PEG3: variants seen among roughly 807,000 people sequenced by gnomAD.
The protein encoded by PEG3 is paternally-expressed gene 3 protein.
In PEG3, 23 loss-of-function variants were observed where a neutral mutation model predicts 35.5. The ratio of observed to expected loss-of-function variants is 0.65; its 90% confidence interval spans 0.47 to 0.92. PEG3 has a LOEUF of 0.92. PEG3 is among the 40% of genes least tolerant of loss of function. The pLI is 0.00. For synonymous variants in PEG3, 707 were observed against 697.0 expected (o/e 1.01, Z -0.23); for missense variants, 1,960 against 1,985.3 (o/e 0.99, Z 0.24).
chr19:56,814,677 C>G lies in PEG3; in HGVS notation c.3765G>C (p.Gln1255His), dbSNP rs1363102837. 6.2e-7 allele frequency: 1 copy of G among 1,614,104 alleles called. No homozygotes were observed. Among genetic ancestry groups the G allele is most frequent in the Non-Finnish European group, 8.5e-7 (1 of 1,179,994 alleles). The change falls in exon 10 of 10, where the codon CAG becomes CAC. Residue 1255 changes from glutamine to histidine, a missense_variant. By Grantham distance (24) the Gln-to-His change is conservative. This residue lies in a region of PEG3 where 416 missense variants were observed against 416.7 expected (regional missense o/e 1.00). Transcript: ENST00000326441. The surrounding 1 kb of genome is among the most constrained non-coding windows in gnomAD (Gnocchi z 5.8). ...RLHREDDLLE[Q>H]SQMAEEAIIP... ...TGATAGCTTCCTCAGCCATCTGGCT[C>G]TGCTCCAGTAAATCATCTTCCCTAT... is the stretch of plus-strand genomic sequence containing the variant.
Position 56,812,916 on chromosome 19 carries a change from A to G in PEG3, c.*759T>C. 1 of 985,836 alleles carries G rather than the reference A, an allele frequency of 1.0e-6. No individual in the cohort carries two copies. Among genetic ancestry groups the G allele is most frequent in the Admixed American group, 6.1e-5 (1 of 16,290 alleles). The allele number at this position is 985,836 out of a possible 1,614,324, so 61.1% of individuals were successfully genotyped here. A position where few individuals can be genotyped will look rare whatever the true frequency, so the allele number is the denominator to read the frequency against. On this transcript the variant is annotated 3_prime_UTR_variant, in exon 10 of 10. Coordinates refer to ENST00000326441, the MANE Select transcript of PEG3 (RefSeq NM_006210.3). Reference sequence around the variant, plus strand: ...TGGCAACCAATCAATCTGGGTCACAAAAAGCCAATCCGTATATTGTAAAGC... The same window carrying G: ...TGGCAACCAATCAATCTGGGTCACAGAAAGCCAATCCGTATATTGTAAAGC...
In PEG3 at chr19:56,814,025, C is replaced by CA. The variant is rs1180090184; in HGVS notation, c.4416dup (p.Glu1473Ter). 1 of 1,613,232 alleles carries CA rather than the reference C, an allele frequency of 6.2e-7. No homozygotes were observed. The highest frequency in any genetic ancestry group is 8.5e-7 in the Non-Finnish European group (1 of 1,179,348). On this transcript the variant is annotated frameshift_variant, in exon 10 of 10. Transcript: ENST00000326441. LOFTEE classifies it low-confidence loss of function (END_TRUNC). The surrounding 1 kb of genome is among the most constrained non-coding windows in gnomAD (Gnocchi z 5.8). ...TCGTCGGCATCTCCCTCTGGCTCTT[C>CA]AGCTTTTCCCTCTGGCTCTTCAGCT...
At chr19:56,821,351 C>G (rs1306751497) in intron 7 of PEG3, among the ~76,000 whole-genome samples, 1 of 152,200 alleles carries the variant, frequency 6.6e-6, no homozygotes, top group Non-Finnish European at 1.5e-5. Flanking sequence ...CCAGAAACAT[C>G]TCCAGAGTCA....
chr19:56,834,265 T>C (rs2061857678), intron 2 of PEG3, among the ~76,000 whole-genome samples: 1 of 152,048 alleles, frequency 6.6e-6, no homozygotes, highest in Non-Finnish European at 1.5e-5. Context: ...TGAATGGAGT[T>C]TGGGGAGGAC....
Position 56,813,489 on chromosome 19 carries a change from A to G in PEG3, c.*186T>C. ...TGCAGACACTGACATCTGAAGGGGA[A>G]AGCTTAAGACTGTGGAATCTGCACA... On this transcript the variant is annotated 3_prime_UTR_variant, in exon 10 of 10. Coordinates refer to ENST00000326441, the MANE Select transcript of PEG3 (RefSeq NM_006210.3). The G allele has an allele frequency of 7.1e-7, 1 of 1,401,770 alleles. No individual in the cohort carries two copies. The highest frequency in any genetic ancestry group is 2.6e-5 in the East Asian group (1 of 39,012). 86.8% of individuals were successfully genotyped at this position (1,401,770 alleles called of 1,614,324 possible).
At chr19:56,825,720 T>C (rs1023296368) in intron 3 of PEG3, among the ~76,000 whole-genome samples, 8 of 152,178 alleles carry the variant, frequency 5.3e-5, no homozygotes, top group African/African-American at 1.9e-4. Context: ...GAGCATAAAC[T>C]ACCTACTGGC....
At position 56,815,513 on chromosome 19, in the gene PEG3, A is replaced by G. The variant is rs2059900366; in HGVS notation, c.2929T>C (p.Cys977Arg). The change falls in exon 10 of 10, where the codon TGC (cysteine) becomes CGC (arginine). Residue 977 changes from cysteine (C) to arginine (R), a missense_variant. Physicochemically the swap from Cys to Arg is radical, Grantham distance 180. This residue lies in a region of PEG3 where 798 missense variants were observed against 782.4 expected (regional missense o/e 1.02). Coordinates refer to ENST00000326441, the MANE Select transcript of PEG3 (RefSeq NM_006210.3). The stretch of plus-strand genomic sequence containing the variant: ...GTGAGGTCAGAGCTATGAGCAAAGC[A>G]CTCCCCACACTCCTGACATTCATAG... The part of the protein sequence containing the change: ...MLYECQECGE[C>R]FAHSSDLTEH... The G allele has an allele frequency of 6.2e-7, 1 of 1,613,772 alleles. No individual in the cohort carries two copies. Among genetic ancestry groups the G allele is most frequent in the Non-Finnish European group, 8.5e-7 (1 of 1,179,960 alleles).
At position 56,815,935 on chromosome 19, in the gene PEG3, T is replaced by C; in HGVS notation, c.2507A>G (p.His836Arg). The C allele has an allele frequency of 3.1e-6, 5 of 1,605,294 alleles. No homozygotes were observed. Among genetic ancestry groups the C allele is most frequent in the Non-Finnish European group, 4.3e-6 (5 of 1,175,910 alleles). ...TGGAGGTTTGGAAGCCACTAAGCTA[T>C]GGATAACAGACCTACTGTATTCCCT... ...EGREYSRSVIHSLVASKPPRS... is the reference protein window; with the variant it reads ...EGREYSRSVIRSLVASKPPRS... Residue 836 changes from histidine to arginine, a missense_variant, in exon 10 of 10, where the codon CAT becomes CGT. This residue lies in a region of PEG3 where 798 missense variants were observed against 782.4 expected (regional missense o/e 1.02). Transcript: ENST00000326441.
At chr19:56,828,690 A>C (rs76664965) in intron 2 of PEG3, among the ~76,000 whole-genome samples, 8,687 of 152,326 alleles carry the variant, frequency 0.057, 354 homozygotes, top group Non-Finnish European at 0.082. Context: ...TAATGTTTGA[A>C]ATGTAAAAGG....
chr19:56,823,475 G>T, intron 5 of PEG3, 118 bp downstream of exon 5: 1 of 1,193,980 alleles, frequency 8.4e-7, no homozygotes, highest in Non-Finnish European at 1.2e-6. Context: ...TCTGAGTGAA[G>T]CTGACCACTC....
At chr19:56,832,727 G>T (rs1466938243) in intron 2 of PEG3, among the ~76,000 whole-genome samples, 3 of 152,190 alleles carry the variant, frequency 2.0e-5, no homozygotes, top group African/African-American at 7.2e-5. Context: ...TACACAGCCA[G>T]GCAGGAAGGG....
At chr19:56,821,905 A>C in intron 6 of PEG3, 151 bp from the exon 7 acceptor site, 1 of 815,212 alleles carries the variant, frequency 1.2e-6, no homozygotes, top group Non-Finnish European at 1.9e-6. Context: ...GCCTCTGAGG[A>C]GTCCCATAAA....
rs982671332 is a variant in PEG3, at chr19:56,812,139, A to C, written c.*1536T>G. 2.1e-6 allele frequency: 2 copies of C among 966,558 alleles called. No homozygotes were observed. Among genetic ancestry groups the C allele is most frequent in the African/African-American group, 3.5e-5 (2 of 56,928 alleles). 59.9% of individuals were successfully genotyped at this position (966,558 alleles called of 1,614,324 possible). A position where few individuals can be genotyped will look rare whatever the true frequency, so the allele number is the denominator to read the frequency against. ...TTTTTTTTTAAATTTTTTAAATTTT[A>C]TATTTTTTTTCCAGCCAACTCAAGG... On this transcript the variant is annotated 3_prime_UTR_variant, in exon 10 of 10. Coordinates refer to ENST00000326441, the MANE Select transcript of PEG3 (RefSeq NM_006210.3).
intron 6 of PEG3, 118 bp from the exon 7 acceptor site, chr19:56,821,872 T>G: frequency 9.4e-7 from 1 of 1,069,494 alleles, no homozygotes; most frequent in Non-Finnish European, 1.4e-6. Context: ...CAAGTGCCTT[T>G]CTCTTCTCTG....
rs2048008351 is a variant in PEG3 at position 56,810,090 on chromosome 19, T to A, written c.*3585A>T. 1 of 855,084 alleles carries A rather than the reference T, an allele frequency of 1.2e-6. No homozygotes were observed. Among genetic ancestry groups the A allele is most frequent in the Non-Finnish European group, 1.4e-6 (1 of 711,286 alleles). The allele number at this position is 855,084 out of a possible 1,614,324, so 53.0% of individuals were successfully genotyped here. On this transcript the variant is annotated 3_prime_UTR_variant, in exon 10 of 10. Transcript: ENST00000326441. ...AAAGAGACTGAGAAATATTTATTTTTAACTTTATTTTTATTGTTGACACTA... is the reference window on the plus strand; with the variant it reads ...AAAGAGACTGAGAAATATTTATTTTAAACTTTATTTTTATTGTTGACACTA...
intron 7 of PEG3, among the ~76,000 whole-genome samples, chr19:56,819,392 A>T (rs2060269273): frequency 6.6e-6 from 1 of 152,166 alleles, no homozygotes; most frequent in Non-Finnish European, 1.5e-5. Context: ...CCTAAAAAGG[A>T]ATTTTAAAAT....
chr19:56,822,303 T>C (rs1231843201), intron 6 of PEG3, among the ~76,000 whole-genome samples: 1 of 152,214 alleles, frequency 6.6e-6, no homozygotes, highest in Non-Finnish European at 1.5e-5. Context: ...ACTGGTGTGA[T>C]GATTGATTCC....
chr19:56,813,225 T>C lies in PEG3; in HGVS notation c.*450A>G, dbSNP rs184876150. 1,315 of 971,600 alleles carry C rather than the reference T, an allele frequency of 1.4e-3. 18 individuals carry two copies. The African/African-American group carries it at 0.022, about 16-fold the overall frequency. The allele number at this position is 971,600 out of a possible 1,614,324, so 60.2% of individuals were successfully genotyped here. A position where few individuals can be genotyped will look rare whatever the true frequency, so the allele number is the denominator to read the frequency against. On this transcript the variant is annotated 3_prime_UTR_variant, in exon 10 of 10. Coordinates refer to ENST00000326441, the MANE Select transcript of PEG3 (RefSeq NM_006210.3). ...CCAAAAAAAAAAAAAATTCAAAGAA[T>C]ACCAGGTAAGGTACCTCTGCAGAGT...
chr19:56,816,621 G>C lies in PEG3; in HGVS notation c.1821C>G (p.Thr607=), dbSNP rs150196995. Residue 607 remains threonine (T), a synonymous_variant, in exon 10 of 10, where the codon ACC becomes ACG. Transcript: ENST00000326441. ...ERERERERGE[T]FRPSPALNEF... is the part of the protein sequence containing the mutation. ...CATTAAGGGCTGGGCTGGGCCTAAAGGTTTCCCCGCGCTCACGTTCACGTT... is the reference window on the plus strand; with the variant it reads ...CATTAAGGGCTGGGCTGGGCCTAAACGTTTCCCCGCGCTCACGTTCACGTT... 1.5e-5 allele frequency: 25 copies of C among 1,613,736 alleles called. No individual in the cohort carries two copies. Among genetic ancestry groups the C allele is most frequent in the Non-Finnish European group, 2.0e-5 (24 of 1,179,860 alleles).
Sources: allele counts gnomAD v4.1 joint callset (sites outside exome capture counted in the v4.1 genomes callset), GRCh38; gene constraint gnomAD v4.1.1; regional missense constraint gnomAD v4.1.1; non-coding constraint Gnocchi (gnomAD v3.1); transcripts MANE v1.5; gene names NCBI Gene and HGNC (gene_info 2026-07-23, HGNC 2026-07-21).